The following KCTD18 variants were observed in gnomAD, a reference collection of about 807,000 sequenced individuals.
The protein encoded by KCTD18 is BTB/POZ domain-containing protein KCTD18.
A neutral mutation model predicts 30.4 loss-of-function variants in KCTD18; 22 were observed. That is an observed-to-expected ratio of 0.72 (90% CI 0.52 to 1.03). The LOEUF (loss-of-function observed/expected upper bound fraction) is 1.03, where lower values mean the gene tolerates loss of function less well. Ranked by LOEUF, KCTD18 falls within the 50% of genes least tolerant of loss-of-function variation. KCTD18 has a pLI of 0.00. For synonymous variants in KCTD18, 186 were observed against 209.0 expected, an observed-to-expected ratio of 0.89 and a Z score of 0.95; for missense variants, 529 against 547.6, an observed-to-expected ratio of 0.97 and a Z score of 0.34.
At chr2:200,507,700 T>A (rs56314305) in intron 1 of KCTD18, among the ~76,000 whole-genome samples, 7,577 of 152,284 alleles carry the variant, frequency 0.05, 311 homozygotes, top group Admixed American at 0.069. Flanking sequence ...AGGTGTCTAC[T>A]GAGGGACTTG....
At chr2:200,492,120 G>C (rs2087928795) in intron 6 of KCTD18, among the ~76,000 whole-genome samples, 1 of 152,174 alleles carries the variant, frequency 6.6e-6, no homozygotes, top group African/African-American at 2.4e-5. Flanking sequence ...CTGCCTGCCT[G>C]CTATGTTTTC....
intron 4 of KCTD18, 39 bp downstream of exon 4, chr2:200,498,852 C>T (rs764387749): frequency 6.4e-7 from 1 of 1,568,342 alleles, no homozygotes. Context: ...GAGACCAAGA[C>T]TTTATTTTGT....
chr2:200,501,224 G>A (rs1439759583), intron 3 of KCTD18, among the ~76,000 whole-genome samples: 1 of 150,632 alleles, frequency 6.6e-6, no homozygotes, highest in Non-Finnish European at 1.5e-5. Context: ...CATAGGCATG[G>A]GCAAGGACTT....
At chr2:200,504,610 T>C in intron 3 of KCTD18, 138 bp downstream of exon 3, 1 of 665,304 alleles carries the variant, frequency 1.5e-6, no homozygotes, top group Non-Finnish European at 2.5e-6. Context: ...TGAGAAGTAG[T>C]AGTAAAGAAA....
At position 200,509,696 on chromosome 2, in the gene KCTD18, A is replaced by G. The variant is rs1236636979; in HGVS notation, c.-144T>C. Reference sequence around the variant, plus strand: ...CCGGCCACAGCACACAGTTCCTCAGAAAGTCTGAGGAGGGGTCGGGATCTG... The same window carrying G: ...CCGGCCACAGCACACAGTTCCTCAGGAAGTCTGAGGAGGGGTCGGGATCTG... On this transcript the variant is annotated 5_prime_UTR_variant, in exon 1 of 7. Transcript: ENST00000359878. 1.3e-5 allele frequency: 2 copies of G among 152,278 alleles called. No individual in the cohort carries two copies. The highest frequency in any genetic ancestry group is 2.9e-5 in the Non-Finnish European group (2 of 68,100). The allele number at this position is 152,278 out of a possible 1,614,324, so 9.4% of individuals were successfully genotyped here. A position where few individuals can be genotyped will look rare whatever the true frequency, so the allele number is the denominator to read the frequency against.
chr2:200,506,184 C>G (rs1407625045), intron 2 of KCTD18, among the ~76,000 whole-genome samples: 1 of 152,176 alleles, frequency 6.6e-6, no homozygotes, highest in Non-Finnish European at 1.5e-5. Context: ...GGGTCTGGGG[C>G]TCATACACAG....
chr2:200,504,458 C>CAAA (rs761524442), intron 3 of KCTD18, among the ~76,000 whole-genome samples: 6 of 59,228 alleles, frequency 1.0e-4, no homozygotes, highest in South Asian at 5.9e-4. Flanking sequence ...GACTCTGCCT[C>CAAA]AAAAAAAAAA....
At chr2:200,493,756 G>A (rs1338471610) in intron 5 of KCTD18, among the ~76,000 whole-genome samples, 4 of 152,188 alleles carry the variant, frequency 2.6e-5, no homozygotes, top group African/African-American at 9.6e-5. Context: ...GTCTAGCACA[G>A]ACTAAGCACT....
intron 1 of KCTD18, among the ~76,000 whole-genome samples, chr2:200,508,142 GC>G (rs2030302338): frequency 1.3e-5 from 2 of 152,192 alleles, no homozygotes; most frequent in South Asian, 4.1e-4. Context: ...TCGCTCTGTA[GC>G]CCAGGGTGGA....
chr2:200,490,102 A>G lies in KCTD18; in HGVS notation c.1279T>C (p.Ter427ArgextTer1), dbSNP rs763628451. Reference sequence around the variant, plus strand: ...AAATTTCAAGTCCACCACTTTCATCAATTTCCCTTGTTCTTCCCGTTCTCA... The same window carrying G: ...AAATTTCAAGTCCACCACTTTCATCGATTTCCCTTGTTCTTCCCGTTCTCA... Reference protein sequence around the residue: ...RTENGKNKGN* With the variant: ...RTENGKNKGNR The change falls in exon 7 of 7, where the codon TGA becomes CGA. Residue 427 changes from the stop codon to arginine (R), a stop_lost. Transcript: ENST00000359878. 34 of 1,557,378 alleles carry G rather than the reference A, an allele frequency of 2.2e-5. No individual in the cohort carries two copies. The highest frequency in any genetic ancestry group is 1.7e-4 in the Middle Eastern group (1 of 5,778).
At chr2:200,501,108 T>G (rs1418081713) in intron 3 of KCTD18, among the ~76,000 whole-genome samples, 5 of 152,246 alleles carry the variant, frequency 3.3e-5, no homozygotes, top group Non-Finnish European at 7.4e-5. Context: ...CTGGATCCCT[T>G]CCTTACACCG....
rs1559179760 is a variant in KCTD18 at position 200,490,161 on chromosome 2, G to GGAAGCGGCTTGAGGGA, written c.1204_1219dup (p.Pro407LeufsTer18). The GGAAGCGGCTTGAGGGA allele has an allele frequency of 6.2e-7, 1 of 1,609,116 alleles. No homozygotes were observed. The highest frequency in any genetic ancestry group is 2.2e-5 in the East Asian group (1 of 44,722). ...TCCCAAGGCACGGGCAGCTTCGCCG[G>GGAAGCGGCTTGAGGGA]GAAGCGGCTTGAGGGAGTTGGCCTG... On this transcript the variant is annotated frameshift_variant, in exon 7 of 7. Transcript: ENST00000359878. LOFTEE classifies it low-confidence loss of function (END_TRUNC).
At chr2:200,495,028 C>T (rs1031934857) in intron 5 of KCTD18, among the ~76,000 whole-genome samples, 1 of 117,448 alleles carries the variant, frequency 8.5e-6, no homozygotes, top group African/African-American at 3.0e-5. Context: ...GGATACACCA[C>T]AATTTGTTTA....
intron 5 of KCTD18, among the ~76,000 whole-genome samples, chr2:200,493,764 A>C (rs2087957489): frequency 6.6e-6 from 1 of 152,220 alleles, no homozygotes; most frequent in Admixed American, 6.5e-5. Flanking sequence ...CAGACTAAGC[A>C]CTCAAAAACT....
chr2:200,491,585 C>T (rs898319156), intron 6 of KCTD18, among the ~76,000 whole-genome samples: 2 of 152,160 alleles, frequency 1.3e-5, no homozygotes, highest in East Asian at 3.8e-4. Context: ...CTTTGGAACC[C>T]ATTTTGGGGA....
At chr2:200,493,579 G>C (rs768917752) in intron 5 of KCTD18, among the ~76,000 whole-genome samples, 5 of 152,228 alleles carry the variant, frequency 3.3e-5, no homozygotes, top group Admixed American at 6.5e-5. Context: ...CAAAGCCTGT[G>C]TGGGTCTCAA....
intron 3 of KCTD18, among the ~76,000 whole-genome samples, chr2:200,500,763 C>T (rs991551408): frequency 1.3e-5 from 2 of 151,044 alleles, no homozygotes; most frequent in Non-Finnish European, 3.0e-5. Flanking sequence ...ACTTTCTTCA[C>T]AGAATTGGAA....
intron 1 of KCTD18, among the ~76,000 whole-genome samples, chr2:200,509,206 AAAAG>A (rs1453843441): frequency 6.6e-6 from 1 of 152,154 alleles, no homozygotes; most frequent in Admixed American, 6.5e-5. Flanking sequence ...GGGGTAAAAA[AAAAG>A]AGTGATGTGT....
At position 200,507,073 on chromosome 2, in the gene KCTD18, A is replaced by C; in HGVS notation, c.-57T>G. 4 of 1,442,906 alleles carry C rather than the reference A, an allele frequency of 2.8e-6. No individual in the cohort carries two copies. Among genetic ancestry groups the C allele is most frequent in the Non-Finnish European group, 3.8e-6 (4 of 1,047,406 alleles). The allele number at this position is 1,442,906 out of a possible 1,614,324, so 89.4% of individuals were successfully genotyped here. ...CAACACTTTCAGAAACTTCAAAACA[A>C]TGATGTCTTGGTCTCCCTCTGTAAA... On this transcript the variant is annotated 5_prime_UTR_variant, in exon 2 of 7. Transcript: ENST00000359878.
Sources: gnomAD v4.1 joint callset for allele counts (sites outside exome capture counted in the v4.1 genomes callset) on GRCh38, gnomAD v4.1.1 for gene constraint, MANE v1.5 for transcripts, NCBI Gene and HGNC (gene_info 2026-07-23, HGNC 2026-07-21) for gene names.